The following PEAK1 variants were observed in gnomAD, a reference collection of about 807,000 sequenced individuals.
PEAK1 encodes the protein pseudopodium enriched atypical kinase 1.
Under a neutral mutation model 124.7 loss-of-function variants are expected in PEAK1, and 54 were observed. That is an observed-to-expected ratio of 0.43 (90% confidence interval 0.35 to 0.54). The LOEUF is 0.54. Among genes scored for constraint, PEAK1 ranks in the 20% least tolerant of loss-of-function variants. The pLI is 0.01. For synonymous variants in PEAK1, 719 were observed against 760.0 expected (o/e 0.95, Z 0.89); for missense variants, 2,046 against 2,134.5 (o/e 0.96, Z 0.82).
chr15:77,271,286 T>C (rs1384127317), intron 5 of PEAK1, among the ~76,000 whole-genome samples: 4 of 152,230 alleles, frequency 2.6e-5, no homozygotes, highest in East Asian at 1.9e-4. Flanking sequence ...AAACAACAGG[T>C]GCTGGAGAGG....
At chr15:77,161,710 T>G (rs2055658315) in intron 7 of PEAK1, among the ~76,000 whole-genome samples, 1 of 152,134 alleles carries the variant, frequency 6.6e-6, no homozygotes, top group Admixed American at 6.5e-5. Flanking sequence ...CAGTGGCTCA[T>G]GCCTGTAATC....
chr15:77,345,178 A>G (rs2066795074), intron 2 of PEAK1, among the ~76,000 whole-genome samples: 1 of 152,164 alleles, frequency 6.6e-6, no homozygotes, highest in Non-Finnish European at 1.5e-5. Flanking sequence ...GTGGCTTTCC[A>G]TATATGGCCT....
Position 77,114,987 on chromosome 15 carries a change from A to T in PEAK1, c.4410T>A (p.Thr1470=). ...VVITREVPCL[T]VADFVRDSLA... The stretch of plus-strand genomic sequence containing the variant: ...GAGAGTCTCGCACAAAATCAGCCAC[A>T]GTAAGACATGGAACCTCCCTGGTGA... The change falls in exon 10 of 10, where the codon ACT becomes ACA. Residue 1470 remains threonine (T), a synonymous_variant. Coordinates refer to ENST00000682557, the MANE Select transcript of PEAK1 (RefSeq NM_001385026.1). The T allele has an allele frequency of 6.2e-7, 1 of 1,614,182 alleles. No homozygotes were observed. Among genetic ancestry groups the T allele is most frequent in the Non-Finnish European group, 8.5e-7 (1 of 1,180,040 alleles).
chr15:77,103,480 A>C (rs1247805881), downstream of PEAK1: 1 of 152,194 alleles, frequency 6.6e-6, no homozygotes, highest in Non-Finnish European at 1.5e-5. Context: ...AGTATTGTAC[A>C]CAATAAGATC....
intron 8 of PEAK1, among the ~76,000 whole-genome samples, chr15:77,141,784 G>A (rs1361852630): frequency 3.3e-5 from 5 of 152,204 alleles, no homozygotes; most frequent in Middle Eastern, 3.4e-3. Context: ...GGAAAGAACA[G>A]TTTCAAGCAA....
At chr15:77,158,736 G>A (rs1272837630) in intron 7 of PEAK1, 40 bp from the exon 8 acceptor site, 2 of 1,588,646 alleles carry the variant, frequency 1.3e-6, no homozygotes, top group Non-Finnish European at 8.6e-7. Context: ...GGTATTGGAA[G>A]GTTCTACTAA....
chr15:77,408,074 CATATAT>C (rs1223868235), intron 1 of PEAK1, among the ~76,000 whole-genome samples: 8 of 126,472 alleles, frequency 6.3e-5, no homozygotes, highest in Admixed American at 4.1e-4. Context: ...CACATATATA[CATATAT>C]ACACATATAT....
chr15:77,325,726 A>G (rs897927855), intron 2 of PEAK1, among the ~76,000 whole-genome samples: 18 of 152,174 alleles, frequency 1.2e-4, no homozygotes, highest in Non-Finnish European at 4.4e-5. Flanking sequence ...CAAATTTCTC[A>G]GCTGATATAT....
At chr15:77,287,880 C>T (rs2063009876) in intron 2 of PEAK1, among the ~76,000 whole-genome samples, 1 of 152,216 alleles carries the variant, frequency 6.6e-6, no homozygotes, top group Non-Finnish European at 1.5e-5. Flanking sequence ...TCATCTCACA[C>T]TTCACCAGTC....
intron 8 of PEAK1, chr15:77,157,643 CTTT>C (rs1218358382): frequency 6.6e-6 from 1 of 152,208 alleles, no homozygotes; most frequent in Non-Finnish European, 1.5e-5. Flanking sequence ...GGGATCTTTA[CTTT>C]TTTGAGTCTG....
chr15:77,193,509 C>G (rs903592849), intron 6 of PEAK1, among the ~76,000 whole-genome samples: 51 of 152,290 alleles, frequency 3.3e-4, no homozygotes, highest in Non-Finnish European at 4.4e-4. Context: ...GTCCACCGCT[C>G]TTTTAAAAAA....
intron 1 of PEAK1, among the ~76,000 whole-genome samples, chr15:77,369,515 C>T (rs531924631): frequency 6.6e-6 from 1 of 152,230 alleles, no homozygotes; most frequent in South Asian, 2.1e-4. Flanking sequence ...AGAGCCAAAT[C>T]CAGCCCAGGG....
At chr15:77,256,593 G>GA (rs918869417) in intron 5 of PEAK1, among the ~76,000 whole-genome samples, 2 of 151,526 alleles carry the variant, frequency 1.3e-5, no homozygotes. Flanking sequence ...TTAAAGAGTT[G>GA]AAAAAAATCA....
chr15:77,369,283 C>A (rs2068479702), intron 1 of PEAK1, among the ~76,000 whole-genome samples: 1 of 152,096 alleles, frequency 6.6e-6, no homozygotes, highest in Non-Finnish European at 1.5e-5. Context: ...AGCACAAACC[C>A]AAAACACAAA....
chr15:77,352,030 G>C, intron 2 of PEAK1: 1 of 899,044 alleles, frequency 1.1e-6, no homozygotes, highest in Non-Finnish European at 1.3e-6. Flanking sequence ...AGACCAGCCT[G>C]GGTGACATAA....
At chr15:77,271,260 T>A (rs566811623) in intron 5 of PEAK1, among the ~76,000 whole-genome samples, 1 of 152,180 alleles carries the variant, frequency 6.6e-6, no homozygotes, top group East Asian at 1.9e-4. Context: ...AGAATGGCGA[T>A]CATTAAAAAG....
At chr15:77,264,095 G>A (rs1448264439) in intron 5 of PEAK1, among the ~76,000 whole-genome samples, 1 of 152,096 alleles carries the variant, frequency 6.6e-6, no homozygotes, top group South Asian at 2.1e-4. Context: ...GGTATTGATG[G>A]GACGTATCTC....
At chr15:77,374,751 T>C (rs779742359) in intron 1 of PEAK1, among the ~76,000 whole-genome samples, 22 of 152,058 alleles carry the variant, frequency 1.4e-4, no homozygotes, top group Admixed American at 3.3e-4. Context: ...AAAATAAAGA[T>C]GGAAGGGATA....
At chr15:77,227,475 G>C (rs950273686) in intron 6 of PEAK1, among the ~76,000 whole-genome samples, 2 of 152,022 alleles carry the variant, frequency 1.3e-5, no homozygotes, top group South Asian at 4.1e-4. Context: ...TATTAATATA[G>C]CACATACTTA....
Sources: allele counts gnomAD v4.1 joint callset (sites outside exome capture counted in the v4.1 genomes callset), GRCh38; gene constraint gnomAD v4.1.1; transcripts MANE v1.5; gene names NCBI Gene and HGNC (gene_info 2026-07-23, HGNC 2026-07-21).